CACNG3: variants seen among roughly 807,000 people sequenced by gnomAD.
CACNG3 encodes calcium voltage-gated channel auxiliary subunit gamma 3, also known as voltage-dependent calcium channel gamma-3 subunit.
CACNG3 carries 3 observed loss-of-function variants against 28.5 expected under a neutral mutation model. That is an observed-to-expected ratio of 0.11 (90% CI 0.05 to 0.27). The LOEUF (loss-of-function observed/expected upper bound fraction) is 0.27. CACNG3 is among the 10% of genes least tolerant of loss of function. The pLI is 1.00. For synonymous variants in CACNG3, 174 were observed against 162.2 expected, an observed-to-expected ratio of 1.07 and a Z score of -0.55; for missense variants, 236 against 414.4, an observed-to-expected ratio of 0.57 and a Z score of 3.74.
At chr16:24,313,772 T>C (rs1899309337) in intron 1 of CACNG3, among the ~76,000 whole-genome samples, 1 of 152,130 alleles carries the variant, frequency 6.6e-6, no homozygotes, top group African/African-American at 2.4e-5. Context: ...TGAGATGCAA[T>C]CTGGTTCTGT....
At chr16:24,290,236 A>G (rs1253252755) in intron 1 of CACNG3, among the ~76,000 whole-genome samples, 2 of 152,192 alleles carry the variant, frequency 1.3e-5, no homozygotes, top group Admixed American at 6.5e-5. Context: ...GAGAGTGTCT[A>G]GTTATACAAA....
chr16:24,305,358 G>GTGTGTGTGTT (rs1439295634), intron 1 of CACNG3, among the ~76,000 whole-genome samples: 1 of 143,090 alleles, frequency 7.0e-6, no homozygotes, highest in Non-Finnish European at 1.5e-5. Flanking sequence ...GTGTGTGTGT[G>GTGTGTGTGTT]TGTGTGTGTA....
intron 1 of CACNG3, among the ~76,000 whole-genome samples, chr16:24,278,998 G>T (rs892056179): frequency 6.6e-6 from 1 of 152,170 alleles, no homozygotes; most frequent in African/African-American, 2.4e-5. Flanking sequence ...AAATACCAAG[G>T]TCTGGAGGCT....
chr16:24,332,118 G>A (rs1899638582), intron 1 of CACNG3, among the ~76,000 whole-genome samples: 1 of 152,196 alleles, frequency 6.6e-6, no homozygotes, highest in East Asian at 1.9e-4. Context: ...GCTGGAAACA[G>A]TGCTTAACAC....
chr16:24,266,659 C>T (rs1026663184), intron 1 of CACNG3, among the ~76,000 whole-genome samples: 2 of 152,180 alleles, frequency 1.3e-5, no homozygotes, highest in African/African-American at 4.8e-5. Flanking sequence ...ATTTGACTAG[C>T]GTTTTGTGGG....
At chr16:24,257,426 A>C (rs922355073) in intron 1 of CACNG3, among the ~76,000 whole-genome samples, 2 of 119,396 alleles carry the variant, frequency 1.7e-5, no homozygotes, top group Non-Finnish European at 3.4e-5. Context: ...AGAGAGAGAG[A>C]GATCCTGACC....
chr16:24,343,510 C>A (rs1014486268), intron 1 of CACNG3, among the ~76,000 whole-genome samples: 1 of 152,256 alleles, frequency 6.6e-6, no homozygotes, highest in South Asian at 2.1e-4. Flanking sequence ...TGCCCAGGTG[C>A]CCCTGGGACA....
chr16:24,314,685 C>T (rs765980242), intron 1 of CACNG3, among the ~76,000 whole-genome samples: 1 of 151,708 alleles, frequency 6.6e-6, no homozygotes, highest in Non-Finnish European at 1.5e-5. Context: ...TCCCAGCAGA[C>T]ATGTGGCAGC....
chr16:24,300,270 A>C (rs1051676983), intron 1 of CACNG3, among the ~76,000 whole-genome samples: 11 of 152,116 alleles, frequency 7.2e-5, no homozygotes, highest in Non-Finnish European at 1.3e-4. Flanking sequence ...CATAGACCTC[A>C]TGGGGGAGAC....
chr16:24,320,748 G>A (rs1156455), intron 1 of CACNG3, among the ~76,000 whole-genome samples: 92,708 of 151,912 alleles, frequency 0.61, 28,899 homozygotes, highest in Middle Eastern at 0.71. Context: ...TTATTTTTTA[G>A]GGATGCAGTC....
At chr16:24,343,975 G>C (rs1899823964) in intron 1 of CACNG3, among the ~76,000 whole-genome samples, 2 of 151,862 alleles carry the variant, frequency 1.3e-5, no homozygotes, top group African/African-American at 4.8e-5. Flanking sequence ...TTTAATCCCA[G>C]CTACTCAGGC....
intron 3 of CACNG3, among the ~76,000 whole-genome samples, chr16:24,358,029 A>G (rs1900059103): frequency 6.6e-6 from 1 of 152,202 alleles, no homozygotes; most frequent in Admixed American, 6.5e-5. Flanking sequence ...GATCTCCCCA[A>G]AGAACCCGAA....
intron 1 of CACNG3, among the ~76,000 whole-genome samples, chr16:24,322,911 C>A (rs902295061): frequency 6.6e-6 from 1 of 152,122 alleles, no homozygotes; most frequent in Non-Finnish European, 1.5e-5. Flanking sequence ...AATCCACTCA[C>A]ATATATTTTT....
chr16:24,309,520 T>C lies in CACNG3; in HGVS notation c.212-37214T>C, dbSNP rs150091686. On this transcript the variant is annotated intron_variant, in intron 1 of 3. Transcript: ENST00000005284. ...CTGCCACATGACTCATTTGTCTTGG[T>C]TTTGCACACAGTTCCAAGCACAATG... is the stretch of plus-strand genomic sequence containing the variant. Among the ~76,000 whole-genome samples the C allele has an allele frequency of 1.8e-4, 28 of 152,284 alleles. No individual in the cohort carries two copies. The East Asian group carries it at 4.6e-3, about 25-fold the overall frequency.
At chr16:24,309,549 A>G (rs570062717) in intron 1 of CACNG3, among the ~76,000 whole-genome samples, 1 of 152,300 alleles carries the variant, frequency 6.6e-6, no homozygotes, top group South Asian at 2.1e-4. Flanking sequence ...CACAATGCCT[A>G]TTGAGTGAGC....
chr16:24,287,387 A>ACT (rs1369156669), intron 1 of CACNG3, among the ~76,000 whole-genome samples: 1 of 151,778 alleles, frequency 6.6e-6, no homozygotes, highest in Admixed American at 6.6e-5. Context: ...GCCTGGTGGC[A>ACT]CTCACCTGTA....
intron 1 of CACNG3, among the ~76,000 whole-genome samples, chr16:24,314,222 C>T (rs563146833): frequency 2.6e-5 from 4 of 152,076 alleles, no homozygotes; most frequent in South Asian, 2.1e-4. Context: ...GGGTCCAGCA[C>T]GAAATGAAAA....
chr16:24,312,920 G>GAAGGAAGAAAGAAAGAAAGAAAGA (rs1405298888), intron 1 of CACNG3, among the ~76,000 whole-genome samples: 96 of 122,100 alleles, frequency 7.9e-4, no homozygotes, highest in African/African-American at 2.8e-3. Context: ...AGGAAGGAAG[G>GAAGGAAGAAAGAAAGAAAGAAAGA]AAGAAAGAAA....
intron 1 of CACNG3, chr16:24,333,357 A>C (rs1481294358): frequency 6.6e-6 from 1 of 152,198 alleles, no homozygotes; most frequent in Non-Finnish European, 1.5e-5. Context: ...ATTGTTTACT[A>C]TGAATAGGAG....
Sources: allele counts gnomAD v4.1 joint callset (sites outside exome capture counted in the v4.1 genomes callset), GRCh38; gene constraint gnomAD v4.1.1; transcripts MANE v1.5; gene names NCBI Gene and HGNC (gene_info 2026-07-23, HGNC 2026-07-21).